Variants in CHCHD6 observed in about 807,000 individuals in gnomAD.
CHCHD6 encodes the protein coiled-coil-helix-coiled-coil-helix domain containing 6.
A neutral mutation model predicts 32.3 loss-of-function variants in CHCHD6; 28 were observed. The observed-to-expected ratio is 0.87, with a 90% CI of 0.64 to 1.19. CHCHD6 has a LOEUF of 1.19. Among genes scored for constraint, CHCHD6 ranks in the 50% most tolerant of loss-of-function variants. The pLI is 0.00. For missense variants in CHCHD6, 333 were observed against 307.0 expected (o/e 1.08, Z -0.63); for synonymous variants, 122 against 117.5 (o/e 1.04, Z -0.25).
intron 6 of CHCHD6, among the ~76,000 whole-genome samples, chr3:126,917,972 T>C (rs1454775612): frequency 6.6e-6 from 1 of 152,226 alleles, no homozygotes; most frequent in Non-Finnish European, 1.5e-5. Flanking sequence ...TCTATAGTAC[T>C]CTATTATAGC....
intron 4 of CHCHD6, among the ~76,000 whole-genome samples, chr3:126,734,690 G>C (rs1281871756): frequency 6.6e-6 from 1 of 152,206 alleles, no homozygotes; most frequent in African/African-American, 2.4e-5. Context: ...AAAAGATTTG[G>C]AAATGCAAAT....
At chr3:126,756,550 G>T (rs943650950) in intron 4 of CHCHD6, among the ~76,000 whole-genome samples, 4 of 152,138 alleles carry the variant, frequency 2.6e-5, no homozygotes, top group African/African-American at 9.7e-5. Flanking sequence ...ATAAATCCGG[G>T]TCTCCCTACT....
chr3:126,806,330 A>G (rs1415579371), intron 4 of CHCHD6, among the ~76,000 whole-genome samples: 2 of 152,222 alleles, frequency 1.3e-5, no homozygotes, highest in East Asian at 3.8e-4. Context: ...TCCAGAATCT[A>G]CAATGAACTC....
chr3:126,776,924 C>G (rs1425532163), intron 4 of CHCHD6, among the ~76,000 whole-genome samples: 2 of 152,294 alleles, frequency 1.3e-5, no homozygotes, highest in African/African-American at 4.8e-5. Flanking sequence ...GGCCACACTT[C>G]TAGAAAGTGC....
At chr3:126,871,260 T>A (rs1287202865) in intron 5 of CHCHD6, among the ~76,000 whole-genome samples, 1 of 152,190 alleles carries the variant, frequency 6.6e-6, no homozygotes, top group Non-Finnish European at 1.5e-5. Context: ...CCTAATCCAA[T>A]TTTAAAAGCC....
intron 4 of CHCHD6, among the ~76,000 whole-genome samples, chr3:126,737,888 C>A (rs754377304): frequency 2.6e-4 from 40 of 152,134 alleles, no homozygotes; most frequent in Admixed American, 3.9e-4. Context: ...TCCTGAAAGT[C>A]TGATGGGGAG....
chr3:126,759,422 C>G, intron 4 of CHCHD6, among the ~76,000 whole-genome samples: 1 of 152,190 alleles, frequency 6.6e-6, no homozygotes, highest in Admixed American at 6.5e-5. Flanking sequence ...CCAATCAAGT[C>G]TTTTGTAGTG....
intron 4 of CHCHD6, among the ~76,000 whole-genome samples, chr3:126,810,690 G>A (rs1297947299): frequency 6.6e-6 from 1 of 152,168 alleles, no homozygotes; most frequent in Non-Finnish European, 1.5e-5. Context: ...TAACATTAGG[G>A]GAAACTGGGT....
At chr3:126,827,261 C>A (rs565507040) in intron 4 of CHCHD6, among the ~76,000 whole-genome samples, 6 of 152,174 alleles carry the variant, frequency 3.9e-5, no homozygotes, top group Non-Finnish European at 8.8e-5. Flanking sequence ...AGATGTGTGT[C>A]CTGGGAATAT....
intron 4 of CHCHD6, among the ~76,000 whole-genome samples, chr3:126,765,661 C>T (rs1201883098): frequency 6.6e-6 from 1 of 152,226 alleles, no homozygotes; most frequent in Non-Finnish European, 1.5e-5. Context: ...CACTTGACTG[C>T]TGGCTGATCA....
At chr3:126,748,202 C>T (rs2107666582) in intron 4 of CHCHD6, among the ~76,000 whole-genome samples, 1 of 152,314 alleles carries the variant, frequency 6.6e-6, no homozygotes, top group East Asian at 1.9e-4. Context: ...CTGGTTGCCT[C>T]CTGGCTCTTC....
intron 4 of CHCHD6, among the ~76,000 whole-genome samples, chr3:126,799,807 A>G (rs1938978979): frequency 6.6e-6 from 1 of 152,216 alleles, no homozygotes; most frequent in Non-Finnish European, 1.5e-5. Context: ...GGAGAAAAAG[A>G]AGGCTGCGCC....
At chr3:126,714,885 C>T (rs549078078) in intron 1 of CHCHD6, among the ~76,000 whole-genome samples, 1 of 152,322 alleles carries the variant, frequency 6.6e-6, no homozygotes, top group African/African-American at 2.4e-5. Flanking sequence ...CCGCTCCTGC[C>T]TGTGATGCCT....
At chr3:126,897,588 C>G (rs142894696) in intron 5 of CHCHD6, among the ~76,000 whole-genome samples, 2 of 152,362 alleles carry the variant, frequency 1.3e-5, no homozygotes, top group East Asian at 1.9e-4. Context: ...CTTTCCTCCA[C>G]TACTCACTGG....
Position 126,759,720 on chromosome 3 carries a change from C to T in CHCHD6, c.411+26498C>T, listed in dbSNP as rs564086085. On this transcript the variant is annotated intron_variant, in intron 4 of 7. Coordinates refer to ENST00000290913, the MANE Select transcript of CHCHD6 (RefSeq NM_032343.3). The stretch of plus-strand genomic sequence containing the variant: ...GGAGATACATGATGGCAGCTCCTGT[C>T]GCTCTTGGCACCATTAAATTTGATT... 1.9e-4 allele frequency among the ~76,000 whole-genome samples: 29 copies of T among 152,266 alleles called. No homozygotes were observed. The South Asian group carries it at 3.7e-3, about 20-fold the overall frequency.
intron 5 of CHCHD6, among the ~76,000 whole-genome samples, chr3:126,864,855 TTC>T (rs1942197648): frequency 4.9e-5 from 1 of 20,372 alleles, no homozygotes; most frequent in Non-Finnish European, 8.4e-5. Context: ...TCATCTCCTC[TTC>T]CTCCTCCACC....
In CHCHD6 at chr3:126,743,907, C is replaced by T. The variant is rs182030410; in HGVS notation, c.411+10685C>T. On this transcript the variant is annotated intron_variant, in intron 4 of 7. Coordinates refer to ENST00000290913, the MANE Select transcript of CHCHD6 (RefSeq NM_032343.3). ...ATACTGTAGGGAAACCTGATTGGAT[C>T]GGTGCCATCCCTCCTGGCTCGCATC... Among the ~76,000 whole-genome samples the T allele has an allele frequency of 1.1e-4, 16 of 152,228 alleles. No individual in the cohort carries two copies. The East Asian group carries it at 1.7e-3, about 17-fold the overall frequency.
chr3:126,865,807 A>T (rs73205603), intron 5 of CHCHD6: 27,801 of 890,526 alleles, frequency 0.031, 491 homozygotes, highest in Middle Eastern at 0.038. Flanking sequence ...CCTCTCATAT[A>T]TCTCACACTA....
chr3:126,752,490 C>T (rs1026659253), intron 4 of CHCHD6, among the ~76,000 whole-genome samples: 2 of 152,218 alleles, frequency 1.3e-5, no homozygotes, highest in African/African-American at 2.4e-5. Flanking sequence ...AGGCCCCTTC[C>T]CCCGATGTCA....
Sources: gnomAD v4.1 joint callset for allele counts (sites outside exome capture counted in the v4.1 genomes callset) on GRCh38, gnomAD v4.1.1 for gene constraint, MANE v1.5 for transcripts, NCBI Gene and HGNC (gene_info 2026-07-23, HGNC 2026-07-21) for gene names.